Variants in NCEH1 observed in about 807,000 individuals in gnomAD.
NCEH1 encodes the protein 2-acetyl MAGE hydrolase.
NCEH1 carries 9 observed loss-of-function variants against 25.4 expected under a neutral mutation model. The ratio of observed to expected loss-of-function variants is 0.35; its 90% CI spans 0.21 to 0.62. NCEH1 has a LOEUF of 0.62. Among genes scored for constraint, NCEH1 ranks in the 20% least tolerant of loss-of-function variants. NCEH1 has a pLI of 0.72. For synonymous variants in NCEH1, 200 were observed against 199.8 expected (o/e 1.00, Z -0.01); for missense variants, 412 against 501.1 (o/e 0.82, Z 1.70).
At chr3:172,652,252 A>G (rs185190195) in intron 1 of NCEH1, among the ~76,000 whole-genome samples, 2 of 152,246 alleles carry the variant, frequency 1.3e-5, no homozygotes, top group African/African-American at 2.4e-5. Flanking sequence ...TAAATGTAGC[A>G]GGGTCTGCAT....
intron 1 of NCEH1, among the ~76,000 whole-genome samples, chr3:172,710,117 C>T (rs561165926): frequency 1.8e-4 from 28 of 152,302 alleles, no homozygotes; most frequent in Admixed American, 1.8e-3. Flanking sequence ...GGCAGGTAAC[C>T]TCGCTCAGGA....
At chr3:172,656,112 G>A (rs1430205585) in intron 1 of NCEH1, among the ~76,000 whole-genome samples, 4 of 152,186 alleles carry the variant, frequency 2.6e-5, no homozygotes, top group Non-Finnish European at 5.9e-5. Context: ...CAAGATATGG[G>A]GCTGAAAATC....
chr3:172,646,722 A>T (rs1717136543), intron 2 of NCEH1, among the ~76,000 whole-genome samples: 1 of 152,188 alleles, frequency 6.6e-6, no homozygotes, highest in South Asian at 2.1e-4. Flanking sequence ...ATCAGTCAAA[A>T]TTATGCAGAA....
At chr3:172,682,837 T>C (rs564905990) in intron 1 of NCEH1, among the ~76,000 whole-genome samples, 1 of 152,316 alleles carries the variant, frequency 6.6e-6, no homozygotes, top group South Asian at 2.1e-4. Flanking sequence ...GTGCATCCCA[T>C]GTTGTTATGT....
chr3:172,662,018 G>T (rs1447843312), intron 1 of NCEH1, among the ~76,000 whole-genome samples: 1 of 136,498 alleles, frequency 7.3e-6, no homozygotes, highest in Non-Finnish European at 1.5e-5. Flanking sequence ...AATAGGAGTG[G>T]TGAGAGAGGG....
chr3:172,657,366 C>T (rs944557457), intron 1 of NCEH1, among the ~76,000 whole-genome samples: 17 of 152,282 alleles, frequency 1.1e-4, no homozygotes, highest in East Asian at 3.9e-4. Flanking sequence ...GAGCAATTAA[C>T]GACACAAATT....
intron 1 of NCEH1, among the ~76,000 whole-genome samples, chr3:172,654,933 A>C (rs1717620851): frequency 6.6e-6 from 1 of 152,228 alleles, no homozygotes; most frequent in South Asian, 2.1e-4. Flanking sequence ...AAAATATGAG[A>C]ATTTAATTAA....
rs1431672046 is a variant in NCEH1, at chr3:172,698,722, A to G, written c.138+12125T>C. On this transcript the variant is annotated intron_variant, in intron 1 of 4. Transcript: ENST00000475381. ...CACATAATTCATGACAAATTTGAAA[A>G]CAAGCATAAATCTATTAAAACATGA... 2.6e-5 allele frequency among the ~76,000 whole-genome samples: 4 copies of G among 152,250 alleles called. No homozygotes were observed. In the South Asian group the frequency reaches 8.3e-4, roughly 31 times the overall value.
intron 2 of NCEH1, among the ~76,000 whole-genome samples, chr3:172,646,815 C>T (rs917871628): frequency 3.9e-5 from 6 of 152,170 alleles, no homozygotes; most frequent in Non-Finnish European, 8.8e-5. Context: ...TCCTGGCAAG[C>T]GTCCAATGCT....
chr3:172,636,417 T>C (rs1248627956), intron 3 of NCEH1, among the ~76,000 whole-genome samples: 2 of 152,000 alleles, frequency 1.3e-5, no homozygotes, highest in Non-Finnish European at 1.5e-5. Flanking sequence ...AAGACATGGA[T>C]AGCACCGTAA....
chr3:172,711,042 G>GT lies in NCEH1; in HGVS notation c.-59_-58insA, dbSNP rs1333012956. 3.7e-6 allele frequency: 6 copies of GT among 1,611,408 alleles called. No individual in the cohort carries two copies. The African/African-American group carries it at 4.0e-5, about 11-fold the overall frequency. ...AAAGAGGAAAGGGCGATACCACCCG[G>GT]AGACCTCCGGCAACTTTCTGCCCGC... On this transcript the variant is annotated 5_prime_UTR_variant, in exon 1 of 5. Coordinates refer to ENST00000475381, the MANE Select transcript of NCEH1 (RefSeq NM_020792.6).
chr3:172,695,392 C>T (rs145156603), intron 1 of NCEH1, among the ~76,000 whole-genome samples: 2 of 152,286 alleles, frequency 1.3e-5, no homozygotes, highest in African/African-American at 4.8e-5. Flanking sequence ...ATGAACAATA[C>T]CTTGGCAAAG....
intron 3 of NCEH1, among the ~76,000 whole-genome samples, chr3:172,641,569 A>G (rs1716854570): frequency 6.6e-6 from 1 of 152,226 alleles, no homozygotes; most frequent in Non-Finnish European, 1.5e-5. Context: ...CCCACTCTAG[A>G]GGGCCTCAAG....
chr3:172,669,581 G>A (rs1050307370), intron 1 of NCEH1, among the ~76,000 whole-genome samples: 11 of 152,196 alleles, frequency 7.2e-5, no homozygotes, highest in African/African-American at 2.7e-4. Context: ...GAGTCACCCA[G>A]GCTGGAGGGC....
intron 4 of NCEH1, among the ~76,000 whole-genome samples, chr3:172,635,249 T>C (rs1352353259): frequency 1.3e-5 from 2 of 152,180 alleles, no homozygotes; most frequent in Non-Finnish European, 2.9e-5. Context: ...CCAAGGTACA[T>C]CATAATTAGA....
At position 172,694,410 on chromosome 3, in the gene NCEH1, G is replaced by T. The variant is rs922528971; in HGVS notation, c.138+16437C>A. ...TGTGTGTGTCTGTGTGTGTGTGTGT[G>T]TGTGTATGTGTGTATTTTACTATTT... On this transcript the variant is annotated intron_variant, in intron 1 of 4. Coordinates refer to ENST00000475381, the MANE Select transcript of NCEH1 (RefSeq NM_020792.6). 3.3e-5 allele frequency among the ~76,000 whole-genome samples: 5 copies of T among 152,014 alleles called. No individual in the cohort carries two copies. In the South Asian group the frequency reaches 6.2e-4, roughly 19 times the overall value.
At chr3:172,684,475 G>A (rs1320522403) in intron 1 of NCEH1, among the ~76,000 whole-genome samples, 1 of 135,458 alleles carries the variant, frequency 7.4e-6, no homozygotes, top group Admixed American at 7.1e-5. Flanking sequence ...TCCAGGCACT[G>A]GATAATTACA....
intron 1 of NCEH1, among the ~76,000 whole-genome samples, chr3:172,655,642 T>C (rs1230462714): frequency 6.6e-6 from 1 of 152,194 alleles, no homozygotes; most frequent in Non-Finnish European, 1.5e-5. Flanking sequence ...CAAAGTCCGC[T>C]TTCCTATTCT....
At chr3:172,653,765 T>TG (rs546964889) in intron 1 of NCEH1, among the ~76,000 whole-genome samples, 4 of 134,378 alleles carry the variant, frequency 3.0e-5, no homozygotes, top group Admixed American at 1.5e-4. Context: ...TTTTTGTTTT[T>TG]TTTTTTTTTT....
Sources: gnomAD v4.1 joint callset for allele counts (sites outside exome capture counted in the v4.1 genomes callset) on GRCh38, gnomAD v4.1.1 for gene constraint, MANE v1.5 for transcripts, NCBI Gene and HGNC (gene_info 2026-07-23, HGNC 2026-07-21) for gene names.